EYS: variants seen among roughly 807,000 people sequenced by gnomAD.
EYS encodes protein eyes shut homolog.
Under a neutral mutation model 282.1 loss-of-function variants are expected in EYS, and 250 were observed. The observed-to-expected ratio is 0.89, with a 90% CI of 0.80 to 0.98. The LOEUF (loss-of-function observed/expected upper bound fraction) is 0.98. Among genes scored for constraint, EYS ranks in the 50% least tolerant of loss-of-function variants. EYS has a pLI of 0.00. For synonymous variants in EYS, 1,355 were observed against 1,282.9 expected, an observed-to-expected ratio of 1.06 and a Z score of -1.20; for missense variants, 4,016 against 3,709.0, an observed-to-expected ratio of 1.08 and a Z score of -2.15.
At chr6:64,992,645 T>C (rs989111857) in intron 14 of EYS, among the ~76,000 whole-genome samples, 3 of 152,032 alleles carry the variant, frequency 2.0e-5, no homozygotes, top group South Asian at 4.1e-4. Flanking sequence ...AAAAATTGAA[T>C]TTTTCCTTTC....
Position 63,959,880 on chromosome 6 carries a change from G to T in EYS, c.7055+24503C>A, listed in dbSNP as rs1257986787. On this transcript the variant is annotated intron_variant, in intron 35 of 42. Coordinates refer to ENST00000503581, the MANE Select transcript of EYS (RefSeq NM_001142800.2). ...TAGGGGAGTGGGGGGTAAGGGAAGG[G>T]AAAGCATTAGGACAAATAGCTAATG... Among the ~76,000 whole-genome samples, 10 of 152,120 alleles carry T rather than the reference G, an allele frequency of 6.6e-5. 1 individual carries two copies.
chr6:64,545,137 C>A (rs960361932), intron 26 of EYS, among the ~76,000 whole-genome samples: 1 of 152,136 alleles, frequency 6.6e-6, no homozygotes. Context: ...TACTGGTAAA[C>A]CAAATCCAGC....
chr6:64,656,392 G>A (rs1768746948), intron 22 of EYS, among the ~76,000 whole-genome samples: 1 of 152,054 alleles, frequency 6.6e-6, no homozygotes, highest in Non-Finnish European at 1.5e-5. Context: ...CTACAACCTT[G>A]ACTGATTGAT....
At chr6:64,468,878 C>T (rs1776019895) in intron 26 of EYS, among the ~76,000 whole-genome samples, 1 of 152,116 alleles carries the variant, frequency 6.6e-6, no homozygotes, top group Non-Finnish European at 1.5e-5. Context: ...GTATACATAT[C>T]ATGCTTTCTT....
rs1287208682 is a variant in EYS at position 63,762,498 on chromosome 6, G to A, written c.8034C>T (p.Phe2678=). 1 of 1,550,104 alleles carries A rather than the reference G, an allele frequency of 6.5e-7. No homozygotes were observed. Among genetic ancestry groups the A allele is most frequent in the African/African-American group, 1.4e-5 (1 of 72,918 alleles). The change falls in exon 41 of 43, where the codon TTC becomes TTT. Residue 2678 remains phenylalanine, a synonymous_variant. Coordinates refer to ENST00000503581, the MANE Select transcript of EYS (RefSeq NM_001142800.2). ...AGATTCCAGTGGTTCCTAGAGGACA[G>A]AAACAGGTGTATCCATGAGGTAATG... ...CISLPHGYTC[F]CPLGTTGIYC...
chr6:65,651,317 C>T (rs1181721803), intron 1 of EYS, among the ~76,000 whole-genome samples: 1 of 151,774 alleles, frequency 6.6e-6, no homozygotes, highest in Non-Finnish European at 1.5e-5. Context: ...AATATATATA[C>T]TTATTTAATG....
intron 27 of EYS, among the ~76,000 whole-genome samples, chr6:64,438,574 G>A (rs1033325174): frequency 4.6e-5 from 7 of 151,362 alleles, no homozygotes; most frequent in Middle Eastern, 3.4e-3. Context: ...TTATAAAAAT[G>A]GTAACAATTA....
chr6:64,495,284 C>G (rs1030635696), intron 26 of EYS, among the ~76,000 whole-genome samples: 1 of 151,674 alleles, frequency 6.6e-6, no homozygotes, highest in Non-Finnish European at 1.5e-5. Flanking sequence ...GGTCAGACAA[C>G]AACTCGGCAA....
intron 26 of EYS, among the ~76,000 whole-genome samples, chr6:64,450,303 A>G (rs1033656020): frequency 7.9e-5 from 12 of 152,238 alleles, no homozygotes; most frequent in Admixed American, 3.3e-4. Context: ...AACAAGAAGA[A>G]CTAACTATCC....
intron 11 of EYS, among the ~76,000 whole-genome samples, chr6:65,314,091 C>T (rs1325456511): frequency 2.6e-5 from 4 of 151,202 alleles, no homozygotes; most frequent in African/African-American, 4.9e-5. Flanking sequence ...GCCTGGATTG[C>T]TCTTCCTTCA....
intron 26 of EYS, among the ~76,000 whole-genome samples, chr6:64,497,578 T>C (rs1369896543): frequency 1.3e-5 from 2 of 152,010 alleles, no homozygotes; most frequent in Non-Finnish European, 2.9e-5. Context: ...GAAGAGGTAT[T>C]AGAATTAGAT....
chr6:64,601,436 C>T (rs1036323670), intron 24 of EYS, among the ~76,000 whole-genome samples: 1 of 100,988 alleles, frequency 9.9e-6, no homozygotes, highest in African/African-American at 3.8e-5. Flanking sequence ...AATTTATTAT[C>T]ATTACTCTAT....
intron 13 of EYS, among the ~76,000 whole-genome samples, chr6:65,014,585 A>G (rs911208944): frequency 6.6e-6 from 1 of 152,170 alleles, no homozygotes; most frequent in African/African-American, 2.4e-5. Flanking sequence ...GATGAGGGCC[A>G]GAAGATGAGA....
rs564503319 is a variant in EYS, at chr6:65,522,908, T to C, written c.-332-26915A>G. Among the ~76,000 whole-genome samples the C allele has an allele frequency of 1.5e-4, 23 of 152,302 alleles. No homozygotes were observed. The South Asian group carries it at 4.8e-3, about 32-fold the overall frequency. On this transcript the variant is annotated intron_variant, in intron 2 of 42. Transcript: ENST00000503581. ...AACAATTTAGTGTAACATTTAATTA[T>C]AATTACCAGAACACAACAAAACATG... is the stretch of plus-strand genomic sequence containing the variant.
intron 2 of EYS, among the ~76,000 whole-genome samples, chr6:65,592,766 AG>A (rs909471132): frequency 6.6e-6 from 1 of 152,016 alleles, no homozygotes; most frequent in Admixed American, 6.6e-5. Context: ...TATCTGTGGG[AG>A]CAGGAGAAAT....
At chr6:63,914,206 C>T (rs577065264) in intron 35 of EYS, among the ~76,000 whole-genome samples, 1 of 152,236 alleles carries the variant, frequency 6.6e-6, no homozygotes, top group African/African-American at 2.4e-5. Flanking sequence ...ACAATGACCT[C>T]TAAGTGTTTA....
intron 7 of EYS, among the ~76,000 whole-genome samples, chr6:65,394,520 A>C (rs192431963): frequency 1.4e-3 from 214 of 152,232 alleles, no homozygotes; most frequent in African/African-American, 4.9e-3. Flanking sequence ...AGAGTCCTGT[A>C]GCTGTAGCAC....
intron 41 of EYS, among the ~76,000 whole-genome samples, chr6:63,728,198 A>G (rs1768690587): frequency 6.6e-6 from 1 of 152,144 alleles, no homozygotes. Flanking sequence ...AATCCCAAGA[A>G]TTACTGTTAA....
rs1375614489 is a variant in EYS, at chr6:65,162,723, A to C, written c.2024-104996T>G. Among the ~76,000 whole-genome samples the C allele has an allele frequency of 2.0e-5, 3 of 150,878 alleles. No homozygotes were observed. In the Admixed American group the frequency reaches 2.0e-4, roughly 10 times the overall value. On this transcript the variant is annotated intron_variant, in intron 12 of 42. Coordinates refer to ENST00000503581, the MANE Select transcript of EYS (RefSeq NM_001142800.2). The stretch of plus-strand genomic sequence containing the variant: ...CCTGATAATCCTGATAATTTTTCTT[A>C]TATTATTCTCATTGGTGTTTAGGTG...
Sources: allele counts gnomAD v4.1 joint callset (sites outside exome capture counted in the v4.1 genomes callset), GRCh38; gene constraint gnomAD v4.1.1; transcripts MANE v1.5; gene names NCBI Gene and HGNC (gene_info 2026-07-23, HGNC 2026-07-21).